The following FOXP2 variants were observed in gnomAD, a reference collection of about 807,000 sequenced individuals.
FOXP2 encodes forkhead box protein P2.
In FOXP2, 12 loss-of-function variants were observed where a neutral mutation model predicts 115.8. The ratio of observed to expected loss-of-function variants is 0.10; its 90% CI spans 0.07 to 0.17. The LOEUF (loss-of-function observed/expected upper bound fraction) is 0.17, where lower values mean the gene tolerates loss of function less well. Among genes scored for constraint, FOXP2 ranks in the 10% least tolerant of loss-of-function variants. The probability of loss-of-function intolerance (pLI) is 1.00; values close to 1 mark genes in which losing one functional copy is unlikely to be tolerated. For missense variants in FOXP2, 629 were observed against 843.5 expected, an observed-to-expected ratio of 0.75 and a Z score of 3.15; for synonymous variants, 328 against 297.7, an observed-to-expected ratio of 1.10 and a Z score of -1.05.
intron 2 of FOXP2, among the ~76,000 whole-genome samples, chr7:114,468,573 A>T (rs922903575): frequency 6.6e-6 from 1 of 152,040 alleles, no homozygotes; most frequent in Non-Finnish European, 1.5e-5. Flanking sequence ...GGTCCTCGCT[A>T]TAATGCCTGT....
At chr7:114,490,312 T>C (rs914135546) in intron 2 of FOXP2, among the ~76,000 whole-genome samples, 8 of 152,106 alleles carry the variant, frequency 5.3e-5, no homozygotes, top group Admixed American at 5.2e-4. Flanking sequence ...AAGAAGCTTA[T>C]CTAAAAAAGC....
chr7:114,230,251 A>G (rs549681928), intron 1 of FOXP2, among the ~76,000 whole-genome samples: 48 of 152,126 alleles, frequency 3.2e-4, no homozygotes, highest in Non-Finnish European at 5.3e-4. Context: ...TTCTTAACAA[A>G]GAAAAGTCCA....
chr7:114,521,422 A>G (rs761503552), intron 2 of FOXP2, among the ~76,000 whole-genome samples: 1 of 150,538 alleles, frequency 6.6e-6, no homozygotes, highest in South Asian at 2.1e-4. Flanking sequence ...AGTCCTAGCT[A>G]TTCAAGAGCC....
intron 1 of FOXP2, among the ~76,000 whole-genome samples, chr7:114,141,365 A>T (rs368761573): frequency 9.2e-5 from 14 of 152,350 alleles, no homozygotes; most frequent in Middle Eastern, 3.4e-3. Flanking sequence ...ACAGAGTATT[A>T]CAAGAAACTC....
intron 1 of FOXP2, among the ~76,000 whole-genome samples, chr7:114,140,848 T>C (rs879861418): frequency 1.3e-5 from 2 of 152,230 alleles, no homozygotes; most frequent in Non-Finnish European, 2.9e-5. Context: ...TATTACTTAC[T>C]GTGACTTGTC....
chr7:114,090,968 A>G (rs1480348995), intron 1 of FOXP2, among the ~76,000 whole-genome samples: 1 of 151,800 alleles, frequency 6.6e-6, no homozygotes, highest in Non-Finnish European at 1.5e-5. Context: ...TAAAAATGCC[A>G]TCACTTTTTT....
At chr7:114,588,676 A>G (rs577700355) in intron 3 of FOXP2, among the ~76,000 whole-genome samples, 1 of 152,310 alleles carries the variant, frequency 6.6e-6, no homozygotes, top group South Asian at 2.1e-4. Flanking sequence ...AGCATATTGA[A>G]TATATACTGG....
At chr7:114,157,274 G>T (rs1384703611) in intron 1 of FOXP2, among the ~76,000 whole-genome samples, 2 of 152,096 alleles carry the variant, frequency 1.3e-5, no homozygotes, top group Non-Finnish European at 1.5e-5. Flanking sequence ...TTACATAGTA[G>T]ATTGCATGGA....
rs574159843 is a variant in FOXP2 at position 114,562,235 on chromosome 7, A to G, written c.258+27529A>G. On this transcript the variant is annotated intron_variant, in intron 3 of 16. Transcript: ENST00000350908. ...ATTCCTACTCCTAAGCAAGCTACTG[A>G]GTATTCCTATAGAGAATCACAATAT... Among the ~76,000 whole-genome samples the G allele has an allele frequency of 3.9e-5, 6 of 152,262 alleles. No individual in the cohort carries two copies. In the South Asian group the frequency reaches 1.2e-3, roughly 32 times the overall value.
chr7:114,432,135 G>C (rs1460402248), intron 2 of FOXP2, among the ~76,000 whole-genome samples: 2 of 151,962 alleles, frequency 1.3e-5, no homozygotes, highest in African/African-American at 2.4e-5. Flanking sequence ...GTATTTGTCA[G>C]GTGTTTAAGA....
chr7:114,256,565 A>C (rs764061419), intron 1 of FOXP2, among the ~76,000 whole-genome samples: 3 of 151,982 alleles, frequency 2.0e-5, no homozygotes, highest in Admixed American at 2.0e-4. Flanking sequence ...TTGTCTTGTA[A>C]ATTTGCTTAA....
intron 1 of FOXP2, among the ~76,000 whole-genome samples, chr7:114,420,281 C>T (rs1189529166): frequency 1.3e-5 from 2 of 151,938 alleles, no homozygotes; most frequent in Non-Finnish European, 2.9e-5. Flanking sequence ...AGTGGACCCA[C>T]TGCATGGAAG....
intron 16 of FOXP2, among the ~76,000 whole-genome samples, chr7:114,688,250 T>A (rs1303908954): frequency 5.9e-5 from 2 of 33,880 alleles, no homozygotes; most frequent in Non-Finnish European, 2.1e-4. Context: ...CACACACATC[T>A]TTTTTTTTTT....
chr7:114,281,343 C>A lies in FOXP2; in HGVS notation c.-101-6676C>A, dbSNP rs530527786. On this transcript the variant is annotated intron_variant, in intron 1 of 17. Coordinates refer to the FOXP2 transcript ENST00000634411. ...TTTCAAACTCCTGACCTCAAGTGAT[C>A]CACCCTCCTTGGCCTCCCAAAGTCT... 3.9e-5 allele frequency among the ~76,000 whole-genome samples: 6 copies of A among 152,088 alleles called. No individual in the cohort carries two copies. The South Asian group carries it at 6.2e-4, about 16-fold the overall frequency.
chr7:114,205,472 G>A (rs183777898), intron 1 of FOXP2, among the ~76,000 whole-genome samples: 22 of 152,204 alleles, frequency 1.4e-4, no homozygotes, highest in Admixed American at 1.4e-3. Context: ...CATTGGTAAG[G>A]ATTTTTGAAA....
At chr7:114,173,165 T>A (rs1562991517) in intron 1 of FOXP2, among the ~76,000 whole-genome samples, 2 of 152,020 alleles carry the variant, frequency 1.3e-5, no homozygotes. Flanking sequence ...TGCAGTTGTC[T>A]ATCATTCTGA....
intron 3 of FOXP2, among the ~76,000 whole-genome samples, chr7:114,546,638 G>T (rs1799939939): frequency 6.6e-6 from 1 of 151,570 alleles, no homozygotes; most frequent in Non-Finnish European, 1.5e-5. Context: ...ATACTTTGAG[G>T]CCCCTAATCC....
chr7:114,144,819 A>G (rs1348574491), intron 1 of FOXP2, among the ~76,000 whole-genome samples: 1 of 152,156 alleles, frequency 6.6e-6, no homozygotes, highest in East Asian at 1.9e-4. Context: ...GTTTATTTTG[A>G]GTACAACAGT....
chr7:114,092,642 C>G (rs1464980723), intron 1 of FOXP2, among the ~76,000 whole-genome samples: 3 of 152,116 alleles, frequency 2.0e-5, no homozygotes, highest in African/African-American at 7.2e-5. Context: ...GAAAAACTTA[C>G]AGTACACTAA....
Sources: allele counts gnomAD v4.1 joint callset (sites outside exome capture counted in the v4.1 genomes callset), GRCh38; gene constraint gnomAD v4.1.1; transcripts MANE v1.5; gene names NCBI Gene and HGNC (gene_info 2026-07-23, HGNC 2026-07-21).